GABRA4: variants seen among roughly 807,000 people sequenced by gnomAD.
GABRA4 encodes the protein gamma-aminobutyric acid type A receptor subunit alpha4.
A neutral mutation model predicts 49.7 loss-of-function variants in GABRA4; 12 were observed. That is an observed-to-expected ratio of 0.24 (90% CI 0.15 to 0.39). GABRA4 has a LOEUF of 0.39. GABRA4 is among the 10% of genes least tolerant of loss of function. The probability of loss-of-function intolerance (pLI) is 1.00; values close to 1 mark genes in which losing one functional copy is unlikely to be tolerated. For missense variants in GABRA4, 506 were observed against 686.0 expected, an observed-to-expected ratio of 0.74 and a Z score of 2.93; for synonymous variants, 288 against 240.2, an observed-to-expected ratio of 1.20 and a Z score of -1.84.
At chr4:46,981,365 T>C (rs1053773360) in intron 2 of GABRA4, among the ~76,000 whole-genome samples, 13 of 152,134 alleles carry the variant, frequency 8.5e-5, no homozygotes, top group Non-Finnish European at 1.5e-4. Context: ...ATAATGAACA[T>C]TTTCCAATTC....
At position 46,956,838 on chromosome 4, in the gene GABRA4, C is replaced by A. The variant is rs553609643; in HGVS notation, c.1134+8132G>T. ...CAGATTCCTATAGTTGGTTCATAACCAACCAATAAACAACTGTAATTGTTA... is the reference window on the plus strand; with the variant it reads ...CAGATTCCTATAGTTGGTTCATAACAAACCAATAAACAACTGTAATTGTTA... On this transcript the variant is annotated intron_variant, in intron 8 of 8. Transcript: ENST00000264318. Among the ~76,000 whole-genome samples the A allele has an allele frequency of 6.6e-5, 10 of 152,046 alleles. No individual in the cohort carries two copies. The South Asian group carries it at 2.1e-3, about 32-fold the overall frequency.
rs1328252464 is a variant in GABRA4 at position 46,919,987 on chromosome 4, C to T, written c.*8238G>A. On this transcript the variant is annotated 3_prime_UTR_variant, in exon 9 of 9. Coordinates refer to ENST00000264318, the MANE Select transcript of GABRA4 (RefSeq NM_000809.4). ...TTTTCTGCCCCTTGAAAAATGAAAG[C>T]TCTGATTTACTGTATACTTGAACTA... 2 of 151,624 alleles carry T rather than the reference C, an allele frequency of 1.3e-5. No homozygotes were observed. Among genetic ancestry groups the T allele is most frequent in the Non-Finnish European group, 3.0e-5 (2 of 67,642 alleles). 9.4% of individuals were successfully genotyped at this position (151,624 alleles called of 1,614,324 possible).
rs1479666268 is a variant in GABRA4, at chr4:46,922,035, C to T, written c.*6190G>A. 1.3e-5 allele frequency: 2 copies of T among 152,006 alleles called. No individual in the cohort carries two copies. The highest frequency in any genetic ancestry group is 2.4e-5 in the African/African-American group (1 of 41,390). The allele number at this position is 152,006 out of a possible 1,614,324, so 9.4% of individuals were successfully genotyped here. A position where few individuals can be genotyped will look rare whatever the true frequency, so the allele number is the denominator to read the frequency against. On this transcript the variant is annotated 3_prime_UTR_variant, in exon 9 of 9. Coordinates refer to ENST00000264318, the MANE Select transcript of GABRA4 (RefSeq NM_000809.4). Reference sequence around the variant, plus strand: ...GCAAGAAAAAGACAAAATCTGTCTTCATACGATTTTACTATATACTTCCGA... The same window carrying T: ...GCAAGAAAAAGACAAAATCTGTCTTTATACGATTTTACTATATACTTCCGA...
intron 8 of GABRA4, among the ~76,000 whole-genome samples, chr4:46,934,186 G>A (rs895554767): frequency 6.6e-6 from 1 of 151,926 alleles, no homozygotes; most frequent in Non-Finnish European, 1.5e-5. Context: ...ATAACGAATA[G>A]GTTTATCTTC....
intron 8 of GABRA4, among the ~76,000 whole-genome samples, chr4:46,937,718 T>C (rs1475715145): frequency 3.3e-5 from 5 of 152,172 alleles, no homozygotes; most frequent in Non-Finnish European, 5.9e-5. Flanking sequence ...CCTAATTTGG[T>C]CAAAATTGCC....
chr4:46,988,503 T>C (rs534111281), intron 2 of GABRA4, among the ~76,000 whole-genome samples: 167 of 152,344 alleles, frequency 1.1e-3, no homozygotes, highest in African/African-American at 4.0e-3. Context: ...TATTGACATT[T>C]AATTAATAAG....
At chr4:46,931,884 A>C (rs763102857) in intron 8 of GABRA4, among the ~76,000 whole-genome samples, 1 of 152,196 alleles carries the variant, frequency 6.6e-6, no homozygotes, top group Non-Finnish European at 1.5e-5. Context: ...GTGTTCCGTT[A>C]AGAGAAAATG....
intron 7 of GABRA4, 146 bp downstream of exon 7, chr4:46,970,937 A>T: frequency 1.4e-6 from 1 of 702,240 alleles, no homozygotes; most frequent in East Asian, 2.8e-5. Context: ...ATTACTTTGT[A>T]CTGGCTAGAT....
chr4:46,987,001 C>T (rs540245911), intron 2 of GABRA4, among the ~76,000 whole-genome samples: 156 of 152,156 alleles, frequency 1.0e-3, no homozygotes, highest in Non-Finnish European at 1.2e-3. Flanking sequence ...GAAAACCTTG[C>T]TGCATCTGCC....
intron 2 of GABRA4, among the ~76,000 whole-genome samples, chr4:46,989,454 G>A (rs1723665718): frequency 6.6e-6 from 1 of 152,124 alleles, no homozygotes; most frequent in African/African-American, 2.4e-5. Context: ...ACCAGCTTCT[G>A]TCACCATGAC....
intron 8 of GABRA4, among the ~76,000 whole-genome samples, chr4:46,941,691 G>A (rs1299683888): frequency 2.0e-5 from 3 of 152,062 alleles, no homozygotes; most frequent in Non-Finnish European, 4.4e-5. Flanking sequence ...GGAAATGTAT[G>A]AGAGCCTGTA....
At chr4:46,992,587 A>C in intron 2 of GABRA4, 2 of 494,806 alleles carry the variant, frequency 4.0e-6, no homozygotes, top group East Asian at 3.3e-5. Flanking sequence ...CCCAGCAGTC[A>C]GGTCCCGGGA....
At chr4:46,956,082 T>C (rs1044850216) in intron 8 of GABRA4, among the ~76,000 whole-genome samples, 1 of 152,110 alleles carries the variant, frequency 6.6e-6, no homozygotes, top group Non-Finnish European at 1.5e-5. Context: ...TTCTAATATA[T>C]TGGGCACTTA....
intron 7 of GABRA4, among the ~76,000 whole-genome samples, chr4:46,969,959 GC>G (rs778285690): frequency 2.7e-5 from 4 of 150,330 alleles, no homozygotes; most frequent in Admixed American, 6.6e-5. Context: ...CTCCACCATT[GC>G]CCCCCCATAT....
At position 46,928,276 on chromosome 4, in the gene GABRA4, C is replaced by G. The variant is rs758345286; in HGVS notation, c.1614G>C (p.Trp538Cys). 1 of 1,612,918 alleles carries G rather than the reference C, an allele frequency of 6.2e-7. No homozygotes were observed. Among genetic ancestry groups the G allele is most frequent in the Non-Finnish European group, 8.5e-7 (1 of 1,179,518 alleles). Residue 538 changes from tryptophan to cysteine, a missense_variant, in exon 9 of 9, where the codon TGG becomes TGC. Transcript: ENST00000264318. Reference protein sequence around the residue: ...VTFGAFNMVYWVVYLSKDTME... With the variant: ...VTFGAFNMVYCVVYLSKDTME... ...TAGTGTCCTTAGATAAATAAACAAC[C>G]CAATAAACCATGTTAAATGCCCCAA...
intron 8 of GABRA4, among the ~76,000 whole-genome samples, chr4:46,937,973 G>T (rs1339235211): frequency 6.6e-6 from 1 of 152,118 alleles, no homozygotes; most frequent in Non-Finnish European, 1.5e-5. Context: ...ATGTGTGCAA[G>T]TGTACATGTG....
At position 46,928,010 on chromosome 4, in the gene GABRA4, GCTGA is replaced by G; in HGVS notation, c.*211_*214del. 12 of 455,040 alleles carry G rather than the reference GCTGA, an allele frequency of 2.6e-5. No individual in the cohort carries two copies. The highest frequency in any genetic ancestry group is 1.5e-4 in the South Asian group (5 of 32,706). The allele number at this position is 455,040 out of a possible 1,614,324, so 28.2% of individuals were successfully genotyped here. A position where few individuals can be genotyped will look rare whatever the true frequency, so the allele number is the denominator to read the frequency against. On this transcript the variant is annotated 3_prime_UTR_variant, in exon 9 of 9. Transcript: ENST00000264318. ...TGGTGTGTATTCTATCTAACTGAAT[GCTGA>G]GTTCTTTTAAAATAATTTTTCTGAA...
chr4:46,992,538 G>T (rs1211661847), intron 2 of GABRA4: 1 of 434,688 alleles, frequency 2.3e-6, no homozygotes, highest in Non-Finnish European at 4.2e-6. Context: ...GCTGAGCCCA[G>T]AGTTCCCATT....
intron 8 of GABRA4, among the ~76,000 whole-genome samples, chr4:46,937,559 T>A (rs185064500): frequency 7.8e-4 from 119 of 152,290 alleles, no homozygotes; most frequent in African/African-American, 2.7e-3. Context: ...AACCCCAAAA[T>A]TCTAGATAGA....
Sources: gnomAD v4.1 joint callset for allele counts (sites outside exome capture counted in the v4.1 genomes callset) on GRCh38, gnomAD v4.1.1 for gene constraint, MANE v1.5 for transcripts, NCBI Gene and HGNC (gene_info 2026-07-23, HGNC 2026-07-21) for gene names.